The following STEAP3 variants were observed in gnomAD, a reference collection of about 807,000 sequenced individuals.
STEAP3 encodes the protein STEAP3 metalloreductase, also known as metalloreductase STEAP3.
Under a neutral mutation model 34.9 loss-of-function variants are expected in STEAP3, and 35 were observed. That is an observed-to-expected ratio of 1.00 (90% CI 0.76 to 1.33). The LOEUF (loss-of-function observed/expected upper bound fraction) is 1.33. Among genes scored for constraint, STEAP3 ranks in the 40% most tolerant of loss-of-function variants. STEAP3 has a pLI of 0.00. For synonymous variants in STEAP3, 281 were observed against 301.6 expected (o/e 0.93, Z 0.71); for missense variants, 652 against 667.6 (o/e 0.98, Z 0.26).
In STEAP3 at chr2:119,231,048, G is replaced by A. The variant is rs185348591; in HGVS notation, c.22+14G>A. On this transcript the variant is annotated intron_variant, in intron 2 of 5. Transcript: ENST00000393110. ...AGCCTGCTGTTGGTAAGTCTGGCTA[G>A]GACGCAGATCCAAGGGGGCATGGGT... The A allele has an allele frequency of 1.7e-5, 27 of 1,614,050 alleles. No homozygotes were observed. Among genetic ancestry groups the A allele is most frequent in the Non-Finnish European group, 2.2e-5 (26 of 1,180,040 alleles).
At position 119,263,121 on chromosome 2, in the gene STEAP3, G is replaced by C. The variant is rs772740148; in HGVS notation, c.1280G>C (p.Arg427Pro). ...CACACGCTCACCTACGGCTGGACCCGCGCCTTCGAGGAGAGCCGCTACAAG... is the reference window on the plus strand; with the variant it reads ...CACACGCTCACCTACGGCTGGACCCCCGCCTTCGAGGAGAGCCGCTACAAG... Reference protein sequence around the residue: ...TLHTLTYGWTRAFEESRYKFY... With the variant: ...TLHTLTYGWTPAFEESRYKFY... Residue 427 changes from arginine to proline, a missense_variant, in exon 6 of 6, where the codon CGC becomes CCC. By Grantham distance (103) the Arg-to-Pro change is moderately radical. Coordinates refer to ENST00000393110, the MANE Select transcript of STEAP3 (RefSeq NM_182915.3). 4.3e-6 allele frequency: 7 copies of C among 1,613,044 alleles called. No homozygotes were observed. The East Asian group carries it at 1.6e-4, about 36-fold the overall frequency.
intron 1 of STEAP3, among the ~76,000 whole-genome samples, chr2:119,225,078 T>C (rs1018740058): frequency 1.3e-5 from 2 of 152,162 alleles, no homozygotes; most frequent in African/African-American, 2.4e-5. Flanking sequence ...AGCCAGAAGG[T>C]CCACAAAACC....
chr2:119,259,272 T>C (rs1197552331), intron 5 of STEAP3, among the ~76,000 whole-genome samples: 1 of 152,210 alleles, frequency 6.6e-6, no homozygotes, highest in African/African-American at 2.4e-5. Flanking sequence ...CAAGCTTACG[T>C]ATAATAAAAA....
In STEAP3 at chr2:119,248,089, C is replaced by T. The variant is rs766661984; in HGVS notation, c.933C>T (p.His311=). 1 of 1,608,472 alleles carries T rather than the reference C, an allele frequency of 6.2e-7. No individual in the cohort carries two copies. Among genetic ancestry groups the T allele is most frequent in the South Asian group, 1.1e-5 (1 of 91,082 alleles). ...ACTGGCTGGACCACTGGCTACAGCA[C>T]CGCAAGCAGATCGGGCTGCTCAGCT... ...FPDWLDHWLQ[H]RKQIGLLSFF... Residue 311 remains histidine (H), a synonymous_variant, in exon 4 of 6, where the codon CAC becomes CAT. Coordinates refer to ENST00000393110, the MANE Select transcript of STEAP3 (RefSeq NM_182915.3).
intron 5 of STEAP3, among the ~76,000 whole-genome samples, chr2:119,258,990 GT>G (rs33954093): frequency 0.94 from 142,397 of 151,716 alleles, 66,890 homozygotes; most frequent in East Asian, 1. Flanking sequence ...AATTCAGCCA[GT>G]TTTAACTGGC....
intron 2 of STEAP3, among the ~76,000 whole-genome samples, chr2:119,241,003 C>T (rs1265414618): frequency 6.6e-6 from 1 of 152,034 alleles, no homozygotes; most frequent in Non-Finnish European, 1.5e-5. Flanking sequence ...AACGTGGCCA[C>T]TGTCCATGAA....
At chr2:119,248,611 T>G (rs1573565764) in intron 4 of STEAP3, 1 of 169,668 alleles carries the variant, frequency 5.9e-6, no homozygotes. Flanking sequence ...GAGGGGCCGG[T>G]GGCCTGCTGG....
Position 119,245,709 on chromosome 2 carries a change from G to A in STEAP3, c.243G>A (p.Ala81=), listed in dbSNP as rs372757046. 1.6e-4 allele frequency: 252 copies of A among 1,614,050 alleles called. No homozygotes were observed. The highest frequency in any genetic ancestry group is 2.0e-4 in the Non-Finnish European group (238 of 1,180,034). Residue 81 remains alanine, a synonymous_variant, in exon 3 of 6, where the codon GCG becomes GCA. Coordinates refer to ENST00000393110, the MANE Select transcript of STEAP3 (RefSeq NM_182915.3). Reference sequence around the variant, plus strand: ...GCACAGCCAGGCTGTTTCCCTCAGCGGCCCAAGTGACTTTCCAAGAGGAGG... The same window carrying A: ...GCACAGCCAGGCTGTTTCCCTCAGCAGCCCAAGTGACTTTCCAAGAGGAGG... ...PKRTARLFPS[A]AQVTFQEEAV...
chr2:119,247,906 G>T lies in STEAP3; in HGVS notation c.750G>T (p.Val250=). 6.2e-7 allele frequency: 1 copy of T among 1,613,884 alleles called. No individual in the cohort carries two copies. The highest frequency in any genetic ancestry group is 8.5e-7 in the Non-Finnish European group (1 of 1,179,996). Residue 250 remains valine, a synonymous_variant, in exon 4 of 6, where the codon GTG becomes GTT. Coordinates refer to ENST00000393110, the MANE Select transcript of STEAP3 (RefSeq NM_182915.3). Reference sequence around the variant, plus strand: ...TCCGGGACGTTCTGCAGCCCTATGTGCAGGAAAGCCAGAACAAGTTCTTCA... The same window carrying T: ...TCCGGGACGTTCTGCAGCCCTATGTTCAGGAAAGCCAGAACAAGTTCTTCA... ...NFVRDVLQPY[V]QESQNKFFKL... is the part of the protein sequence containing the mutation.
rs753048220 is a variant in STEAP3 at position 119,245,902 on chromosome 2, C to A, written c.436C>A (p.Leu146Ile). ...RESNAEYLAS[L>I]FPTCTVVKAF... Reference sequence around the variant, plus strand: ...GTCCAATGCTGAGTACCTGGCCTCCCTCTTCCCCACTTGCACAGTGGTCAA... The same window carrying A: ...GTCCAATGCTGAGTACCTGGCCTCCATCTTCCCCACTTGCACAGTGGTCAA... The change falls in exon 3 of 6, where the codon CTC becomes ATC. Residue 146 changes from leucine to isoleucine, a missense_variant. Physicochemically the swap from Leu to Ile is conservative, Grantham distance 5 (BLOSUM62 2). Coordinates refer to ENST00000393110, the MANE Select transcript of STEAP3 (RefSeq NM_182915.3). 25 of 1,613,948 alleles carry A rather than the reference C, an allele frequency of 1.5e-5. No individual in the cohort carries two copies. Among genetic ancestry groups the A allele is most frequent in the Non-Finnish European group, 2.1e-5 (25 of 1,180,042 alleles).
chr2:119,236,649 G>A (rs1264337247), intron 2 of STEAP3, among the ~76,000 whole-genome samples: 1 of 152,156 alleles, frequency 6.6e-6, no homozygotes, highest in African/African-American at 2.4e-5. Flanking sequence ...ACTTTAGGAG[G>A]AAGAGGGACC....
chr2:119,233,956 G>A (rs1677016928), intron 2 of STEAP3, among the ~76,000 whole-genome samples: 1 of 152,182 alleles, frequency 6.6e-6, no homozygotes, highest in Non-Finnish European at 1.5e-5. Context: ...TTAGAGGGTG[G>A]AGGCCGATTT....
At chr2:119,256,290 C>T (rs1331187750) in intron 5 of STEAP3, among the ~76,000 whole-genome samples, 1 of 152,118 alleles carries the variant, frequency 6.6e-6, no homozygotes, top group Non-Finnish European at 1.5e-5. Context: ...CTGCTCATCT[C>T]AGAAGGTCCC....
intron 5 of STEAP3, among the ~76,000 whole-genome samples, chr2:119,259,074 T>A (rs2104847724): frequency 6.6e-6 from 1 of 152,206 alleles, no homozygotes; most frequent in Non-Finnish European, 1.5e-5. Flanking sequence ...GTTCAGCTTT[T>A]AGAACCTAAG....
rs1332005602 is a variant in STEAP3, at chr2:119,254,731, G to A, written c.1098G>A (p.Arg366=). ...TCTGGGTGGAGGAGGAGGTCTGGCG[G>A]ATGGAGATCTACCTCTCCCTGGGAG... ...SHLWVEEEVW[R]MEIYLSLGVL... Residue 366 remains arginine, a synonymous_variant, in exon 5 of 6, where the codon CGG becomes CGA. Coordinates refer to ENST00000393110, the MANE Select transcript of STEAP3 (RefSeq NM_182915.3). 6.2e-7 allele frequency: 1 copy of A among 1,614,070 alleles called. No homozygotes were observed. Among genetic ancestry groups the A allele is most frequent in the Non-Finnish European group, 8.5e-7 (1 of 1,179,984 alleles).
intron 1 of STEAP3, among the ~76,000 whole-genome samples, chr2:119,228,999 T>C (rs1679132503): frequency 6.6e-6 from 1 of 152,172 alleles, no homozygotes; most frequent in South Asian, 2.1e-4. Context: ...CAAAGAGATC[T>C]GGAGACCCCC....
Position 119,263,519 on chromosome 2 carries a change from A to G in STEAP3, c.*181A>G, listed in dbSNP as rs895113369. The G allele has an allele frequency of 2.7e-5, 21 of 770,316 alleles. No individual in the cohort carries two copies. The African/African-American group carries it at 3.5e-4, about 13-fold the overall frequency. The allele number at this position is 770,316 out of a possible 1,614,324, so 47.7% of individuals were successfully genotyped here. Reference sequence around the variant, plus strand: ...CAGAATGATATACACACATATGTGTATATGTATTTACATATATTCCACATA... The same window carrying G: ...CAGAATGATATACACACATATGTGTGTATGTATTTACATATATTCCACATA... On this transcript the variant is annotated 3_prime_UTR_variant, in exon 6 of 6. Coordinates refer to ENST00000393110, the MANE Select transcript of STEAP3 (RefSeq NM_182915.3).
intron 2 of STEAP3, among the ~76,000 whole-genome samples, chr2:119,240,046 TA>T (rs764947303): frequency 4.6e-5 from 7 of 151,994 alleles, no homozygotes; most frequent in Non-Finnish European, 1.0e-4. Flanking sequence ...TAATTGAAAA[TA>T]AGTAGCTGGA....
chr2:119,225,772 C>T (rs1353020034), intron 1 of STEAP3, among the ~76,000 whole-genome samples: 1 of 152,236 alleles, frequency 6.6e-6, no homozygotes, highest in Non-Finnish European at 1.5e-5. Flanking sequence ...GTCCAAATCT[C>T]AGCTCCTTAC....
Sources: allele counts gnomAD v4.1 joint callset (sites outside exome capture counted in the v4.1 genomes callset), GRCh38; gene constraint gnomAD v4.1.1; transcripts MANE v1.5; gene names NCBI Gene and HGNC (gene_info 2026-07-23, HGNC 2026-07-21).